Variants in SFT2D2 observed in about 807,000 individuals in gnomAD.
SFT2D2 encodes SFT2 domain containing 2.
SFT2D2 carries 21 observed loss-of-function variants against 27.4 expected under a neutral mutation model. That is an observed-to-expected ratio of 0.77 (90% CI 0.54 to 1.10). The LOEUF is 1.10. Ranked by LOEUF, SFT2D2 falls within the 50% of genes least tolerant of loss-of-function variation. SFT2D2 has a pLI of 0.00. For missense variants in SFT2D2, 187 were observed against 194.2 expected, an observed-to-expected ratio of 0.96 and a Z score of 0.22; for synonymous variants, 72 against 71.7, an observed-to-expected ratio of 1.00 and a Z score of -0.02.
Position 168,242,653 on chromosome 1 carries a change from G to A in SFT2D2, c.*113G>A, listed in dbSNP as rs1472895609. 5.6e-6 allele frequency: 7 copies of A among 1,260,546 alleles called. No homozygotes were observed. Among genetic ancestry groups the A allele is most frequent in the Non-Finnish European group, 8.1e-6 (7 of 861,438 alleles). The allele number at this position is 1,260,546 out of a possible 1,614,324, so 78.1% of individuals were successfully genotyped here. A position where few individuals can be genotyped will look rare whatever the true frequency, so the allele number is the denominator to read the frequency against. The stretch of plus-strand genomic sequence containing the variant: ...ACAGACATGTGCCTTTTATCTTGCA[G>A]CAATGTGTTGCTTGTGATTCGAACA... On this transcript the variant is annotated 3_prime_UTR_variant, in exon 8 of 8. Coordinates refer to ENST00000271375, the MANE Select transcript of SFT2D2 (RefSeq NM_199344.3).
At position 168,226,161 on chromosome 1, in the gene SFT2D2, G is replaced by A; in HGVS notation, c.63+19G>A. The A allele has an allele frequency of 1.3e-6, 2 of 1,525,076 alleles. No homozygotes were observed. The highest frequency in any genetic ancestry group is 2.6e-5 in the East Asian group (1 of 38,442). 94.5% of individuals were successfully genotyped at this position (1,525,076 alleles called of 1,614,324 possible). ...GTCCGAGGTGAGTGAGCCCGGGGCC[G>A]TCGGCCCCCTCTCGCCGCGCTCCCG... On this transcript the variant is annotated intron_variant, in intron 1 of 7. Coordinates refer to ENST00000271375, the MANE Select transcript of SFT2D2 (RefSeq NM_199344.3).
chr1:168,238,360 T>G (rs1198514917), intron 6 of SFT2D2, among the ~76,000 whole-genome samples: 1 of 152,092 alleles, frequency 6.6e-6, no homozygotes. Context: ...TATAAAATGT[T>G]AGGAGTTCAA....
chr1:168,232,451 C>G (rs1249541786), intron 3 of SFT2D2, among the ~76,000 whole-genome samples: 1 of 152,184 alleles, frequency 6.6e-6, no homozygotes, highest in East Asian at 1.9e-4. Context: ...ACACTGGTGC[C>G]AACAACTCCA....
At chr1:168,229,618 C>T (rs1700493234) in intron 1 of SFT2D2, 1 of 152,308 alleles carries the variant, frequency 6.6e-6, no homozygotes, top group Non-Finnish European at 1.5e-5. Context: ...CATGCCAATC[C>T]CACTACCACT....
rs1647701872 is a variant in SFT2D2 at position 168,243,253 on chromosome 1, T to A, written c.*713T>A. ...TCCCTGCATATCTTTCTTTATGACC[T>A]CCTGGCACTAGATGGGGAAAGAACA... On this transcript the variant is annotated 3_prime_UTR_variant, in exon 8 of 8. Transcript: ENST00000271375. 1 of 149,802 alleles carries A rather than the reference T, an allele frequency of 6.7e-6. No homozygotes were observed. The highest frequency in any genetic ancestry group is 1.5e-5 in the Non-Finnish European group (1 of 67,472). The allele number at this position is 149,802 out of a possible 1,614,324, so 9.3% of individuals were successfully genotyped here.
In SFT2D2 at chr1:168,250,015, G is replaced by C. The variant is rs765599755; in HGVS notation, c.*7475G>C. ...CAGTGACTGCCCAGTGAATGGTATTGCCTCCATCCTCTGAGAAGGTAAAGA... is the reference window on the plus strand; with the variant it reads ...CAGTGACTGCCCAGTGAATGGTATTCCCTCCATCCTCTGAGAAGGTAAAGA... On this transcript the variant is annotated 3_prime_UTR_variant, in exon 8 of 8. Coordinates refer to ENST00000271375, the MANE Select transcript of SFT2D2 (RefSeq NM_199344.3). 3.9e-5 allele frequency: 6 copies of C among 152,172 alleles called. No individual in the cohort carries two copies. The highest frequency in any genetic ancestry group is 7.3e-5 in the Non-Finnish European group (5 of 68,036). The allele number at this position is 152,172 out of a possible 1,614,324, so 9.4% of individuals were successfully genotyped here. A position where few individuals can be genotyped will look rare whatever the true frequency, so the allele number is the denominator to read the frequency against.
In SFT2D2 at chr1:168,234,871, G is replaced by C. The variant is rs143859759; in HGVS notation, c.237-230G>C. Among the ~76,000 whole-genome samples, 7 of 152,288 alleles carry C rather than the reference G, an allele frequency of 4.6e-5. No homozygotes were observed. The South Asian group carries it at 1.2e-3, about 27-fold the overall frequency. ...GGGTCTATCATTCCCTAGTTGGGTG[G>C]CCTTGGATAAAGTAACTCTGTGGGC... On this transcript the variant is annotated intron_variant, in intron 3 of 7. Transcript: ENST00000271375.
chr1:168,226,272 C>G, intron 1 of SFT2D2, 130 bp downstream of exon 1: 1 of 734,102 alleles, frequency 1.4e-6, no homozygotes, highest in Admixed American at 3.6e-5. Context: ...TCCTCCTCTT[C>G]TTCTGCAGGG....
chr1:168,243,724 C>T lies in SFT2D2; in HGVS notation c.*1184C>T, dbSNP rs1214438973. 1 of 152,682 alleles carries T rather than the reference C, an allele frequency of 6.5e-6. No homozygotes were observed. Among genetic ancestry groups the T allele is most frequent in the African/African-American group, 2.4e-5 (1 of 41,470 alleles). The allele number at this position is 152,682 out of a possible 1,614,324, so 9.5% of individuals were successfully genotyped here. On this transcript the variant is annotated 3_prime_UTR_variant, in exon 8 of 8. Coordinates refer to ENST00000271375, the MANE Select transcript of SFT2D2 (RefSeq NM_199344.3). ...CACTGGTTTTTGGATCCACCCAAAG[C>T]CACAGCTTCAGCCTCCTTCATGACC...
rs1040504091 is a variant in SFT2D2, at chr1:168,242,864, T to C, written c.*324T>C. On this transcript the variant is annotated 3_prime_UTR_variant, in exon 8 of 8. Coordinates refer to ENST00000271375, the MANE Select transcript of SFT2D2 (RefSeq NM_199344.3). ...TCAGCAACAGCACATAAGCCTTGGG[T>C]GCAAGTGATTCCCAGGTGGCAAAAG... is the stretch of plus-strand genomic sequence containing the variant. 6.0e-6 allele frequency: 2 copies of C among 334,450 alleles called. No individual in the cohort carries two copies. The highest frequency in any genetic ancestry group is 4.0e-5 in the Admixed American group (1 of 25,166). 20.7% of individuals were successfully genotyped at this position (334,450 alleles called of 1,614,324 possible).
chr1:168,246,559 G>A lies in SFT2D2; in HGVS notation c.*4019G>A. The stretch of plus-strand genomic sequence containing the variant: ...ACTCTCAGCTTTAGAAAGTTGCTGA[G>A]AAAGAATCAGAACATGAGAATTCAA... On this transcript the variant is annotated 3_prime_UTR_variant, in exon 8 of 8. Transcript: ENST00000271375. 1 of 1,510,726 alleles carries A rather than the reference G, an allele frequency of 6.6e-7. No individual in the cohort carries two copies. The highest frequency in any genetic ancestry group is 2.4e-5 in the East Asian group (1 of 41,768). The allele number at this position is 1,510,726 out of a possible 1,614,324, so 93.6% of individuals were successfully genotyped here.
In SFT2D2 at chr1:168,252,091, CGAGTAAATGGG is replaced by C. The variant is rs1325719610; in HGVS notation, c.*9557_*9567del. 4 of 152,024 alleles carry C rather than the reference CGAGTAAATGGG, an allele frequency of 2.6e-5. No homozygotes were observed. 9.4% of individuals were successfully genotyped at this position (152,024 alleles called of 1,614,324 possible). On this transcript the variant is annotated 3_prime_UTR_variant, in exon 8 of 8. Coordinates refer to ENST00000271375, the MANE Select transcript of SFT2D2 (RefSeq NM_199344.3). ...CTTGGCTTACCAGTTTTCATTGCAG[CGAGTAAATGGG>C]GAGTAGCAGAGCCTTTGTTAATGTA...
At chr1:168,240,174 CAAAA>C (rs71299093) in intron 7 of SFT2D2, among the ~76,000 whole-genome samples, 7 of 103,224 alleles carry the variant, frequency 6.8e-5, no homozygotes, top group South Asian at 3.2e-4. Flanking sequence ...GACTCTGTCT[CAAAA>C]AAAAAAAAAA....
intron 6 of SFT2D2, among the ~76,000 whole-genome samples, chr1:168,238,513 A>C (rs917009255): frequency 1.3e-5 from 2 of 150,276 alleles, no homozygotes; most frequent in Admixed American, 1.3e-4. Flanking sequence ...ACAAACAAAC[A>C]AAAAAAAACA....
chr1:168,237,566 A>T (rs1486046881), intron 6 of SFT2D2, among the ~76,000 whole-genome samples: 1 of 152,192 alleles, frequency 6.6e-6, no homozygotes, highest in Non-Finnish European at 1.5e-5. Context: ...TTCAGTATAG[A>T]TGTGACTCAC....
chr1:168,235,140 A>C lies in SFT2D2; in HGVS notation c.276A>C (p.Arg92=). The part of the protein sequence containing the change: ...FLMGPVKQLK[R]MFEPTRLIAT... The stretch of plus-strand genomic sequence containing the variant: ...TGGGACCAGTGAAACAGCTGAAGCG[A>C]ATGTTTGAGCCTACTCGTTTGATTG... The change falls in exon 4 of 8, where the codon CGA becomes CGC. Residue 92 remains arginine, a synonymous_variant. Transcript: ENST00000271375. 1 of 1,614,182 alleles carries C rather than the reference A, an allele frequency of 6.2e-7. No individual in the cohort carries two copies. The highest frequency in any genetic ancestry group is 8.5e-7 in the Non-Finnish European group (1 of 1,180,016).
chr1:168,246,695 G>A lies in SFT2D2; in HGVS notation c.*4155G>A, dbSNP rs1572458317. ...TCATGTAGAGCAACATTCAGTCTAC[G>A]ATGGTATGATTCCATTTCGTCAGTC... On this transcript the variant is annotated 3_prime_UTR_variant, in exon 8 of 8. Transcript: ENST00000271375. 9.3e-7 allele frequency: 1 copy of A among 1,078,074 alleles called. No individual in the cohort carries two copies. The highest frequency in any genetic ancestry group is 1.4e-6 in the Non-Finnish European group (1 of 715,888). 66.8% of individuals were successfully genotyped at this position (1,078,074 alleles called of 1,614,324 possible).
intron 7 of SFT2D2, among the ~76,000 whole-genome samples, chr1:168,240,050 CTGTAGT>C (rs1195019079): frequency 6.6e-6 from 1 of 151,828 alleles, no homozygotes; most frequent in Non-Finnish European, 1.5e-5. Flanking sequence ...TGGCAGGCGC[CTGTAGT>C]CGAAGCTACT....
At chr1:168,241,205 C>T (rs199980295) in intron 7 of SFT2D2, among the ~76,000 whole-genome samples, 104 of 100,076 alleles carry the variant, frequency 1.0e-3, no homozygotes, top group Admixed American at 1.5e-3. Context: ...CCCTTCTATT[C>T]TTTTTTTTTT....
Sources: allele counts gnomAD v4.1 joint callset (sites outside exome capture counted in the v4.1 genomes callset), GRCh38; gene constraint gnomAD v4.1.1; transcripts MANE v1.5; gene names NCBI Gene and HGNC (gene_info 2026-07-23, HGNC 2026-07-21).